The following GLCE variants were observed in gnomAD, a reference collection of about 807,000 sequenced individuals.
GLCE encodes the protein D-glucuronyl C5-epimerase.
In GLCE, 19 loss-of-function variants were observed where a neutral mutation model predicts 47.9. That is an observed-to-expected ratio of 0.40 (90% CI 0.28 to 0.58). The LOEUF is 0.58. Ranked by LOEUF, GLCE falls within the 20% of genes least tolerant of loss-of-function variation. The pLI, the probability that GLCE is intolerant of heterozygous loss-of-function variation, is 0.48. For synonymous variants in GLCE, 245 were observed against 263.4 expected (o/e 0.93, Z 0.68); for missense variants, 556 against 743.3 (o/e 0.75, Z 2.93).
At position 69,270,581 on chromosome 15, in the gene GLCE, T is replaced by C. The variant is rs575199763; in HGVS notation, c.*1337T>C. 1 of 152,330 alleles carries C rather than the reference T, an allele frequency of 6.6e-6. No individual in the cohort carries two copies. The highest frequency in any genetic ancestry group is 1.5e-5 in the Non-Finnish European group (1 of 68,038). The allele number at this position is 152,330 out of a possible 1,614,324, so 9.4% of individuals were successfully genotyped here. A position where few individuals can be genotyped will look rare whatever the true frequency, so the allele number is the denominator to read the frequency against. On this transcript the variant is annotated 3_prime_UTR_variant, in exon 5 of 5. Transcript: ENST00000261858. ...TTTGAAAATATGATACCCTACACTT[T>C]CAGGGGACCGAGTCTGACAAACACA... is the stretch of plus-strand genomic sequence containing the variant.
intron 2 of GLCE, among the ~76,000 whole-genome samples, chr15:69,213,309 T>G (rs1289721392): frequency 6.6e-6 from 1 of 152,126 alleles, no homozygotes; most frequent in East Asian, 1.9e-4. Flanking sequence ...GATCCCATAT[T>G]ACATTTAGTT....
chr15:69,252,510 C>G lies in GLCE; in HGVS notation c.-13-3284C>G, dbSNP rs145893030. ...TAAGCCATTCAAGAGGGATGCACCC[C>G]CATGATCCAAACACCTCCCCCTAGA... On this transcript the variant is annotated intron_variant, in intron 2 of 4. Coordinates refer to ENST00000261858, the MANE Select transcript of GLCE (RefSeq NM_015554.3). Among the ~76,000 whole-genome samples, 213 of 152,304 alleles carry G rather than the reference C, an allele frequency of 1.4e-3. 1 individual carries two copies. The highest frequency in any genetic ancestry group is 4.9e-3 in the African/African-American group (203 of 41,566).
At chr15:69,218,040 G>C (rs913262572) in intron 2 of GLCE, among the ~76,000 whole-genome samples, 1 of 151,178 alleles carries the variant, frequency 6.6e-6, no homozygotes, top group African/African-American at 2.4e-5. Flanking sequence ...TGTAATCGCA[G>C]CTACTTGGGA....
chr15:69,235,404 G>A (rs191967989), intron 2 of GLCE, among the ~76,000 whole-genome samples: 1 of 144,000 alleles, frequency 6.9e-6, no homozygotes, highest in Admixed American at 6.7e-5. Context: ...CACTGTGCCC[G>A]GCCTGAAGAT....
intron 4 of GLCE, among the ~76,000 whole-genome samples, chr15:69,267,619 C>T (rs994205970): frequency 6.6e-6 from 1 of 152,170 alleles, no homozygotes; most frequent in Admixed American, 6.5e-5. Context: ...GGGTTCAAGT[C>T]TTGTACCTTG....
At chr15:69,182,063 G>A (rs752054225) in intron 1 of GLCE, among the ~76,000 whole-genome samples, 1 of 151,932 alleles carries the variant, frequency 6.6e-6, no homozygotes, top group Non-Finnish European at 1.5e-5. Context: ...TAGTAAAATA[G>A]GACACAGGGT....
chr15:69,238,624 T>C (rs2052624296), intron 2 of GLCE, among the ~76,000 whole-genome samples: 1 of 152,202 alleles, frequency 6.6e-6, no homozygotes, highest in South Asian at 2.1e-4. Flanking sequence ...TGAGGATAAA[T>C]GAGAGTAGCA....
chr15:69,171,580 T>TAG, intron 1 of GLCE, among the ~76,000 whole-genome samples: 1 of 152,108 alleles, frequency 6.6e-6, no homozygotes, highest in South Asian at 2.1e-4. Context: ...GTATTTTTAG[T>TAG]AGAGACGGGG....
intron 2 of GLCE, among the ~76,000 whole-genome samples, chr15:69,224,530 G>A (rs374102461): frequency 2.6e-5 from 4 of 152,182 alleles, no homozygotes; most frequent in South Asian, 2.1e-4. Flanking sequence ...TTGCAACACC[G>A]GGAGGAGGTG....
At chr15:69,266,826 T>C (rs1224633415) in intron 4 of GLCE, 3 of 383,140 alleles carry the variant, frequency 7.8e-6, no homozygotes, top group African/African-American at 6.4e-5. Flanking sequence ...CTACAACTAA[T>C]TAGCTTTTGG....
intron 2 of GLCE, among the ~76,000 whole-genome samples, chr15:69,242,056 C>A (rs912981168): frequency 6.6e-6 from 1 of 152,030 alleles, no homozygotes; most frequent in African/African-American, 2.4e-5. Context: ...TGGATTGTTG[C>A]AGAAATTAAA....
intron 1 of GLCE, among the ~76,000 whole-genome samples, chr15:69,205,089 C>T (rs1201880023): frequency 1.3e-5 from 2 of 151,974 alleles, no homozygotes; most frequent in Non-Finnish European, 2.9e-5. Flanking sequence ...TATCTAACCA[C>T]CATCACAGTC....
At chr15:69,254,477 A>C (rs987637682) in intron 2 of GLCE, among the ~76,000 whole-genome samples, 9 of 152,160 alleles carry the variant, frequency 5.9e-5, no homozygotes, top group Admixed American at 5.2e-4. Flanking sequence ...TAGTAGGGTA[A>C]GCGTAGAAGG....
chr15:69,231,428 C>T (rs890228537), intron 2 of GLCE, among the ~76,000 whole-genome samples: 13 of 151,840 alleles, frequency 8.6e-5, no homozygotes, highest in African/African-American at 2.7e-4. Flanking sequence ...GGACTACAGG[C>T]GCCCGCCACC....
chr15:69,164,536 GTATATAATA>G (rs2140321693), intron 1 of GLCE, among the ~76,000 whole-genome samples: 1 of 150,024 alleles, frequency 6.7e-6, no homozygotes, highest in East Asian at 1.9e-4. Flanking sequence ...TGCCATATAT[GTATATAATA>G]TGTATAATAT....
rs544217820 is a variant in GLCE, at chr15:69,253,621, C to T, written c.-13-2173C>T. Among the ~76,000 whole-genome samples the T allele has an allele frequency of 2.6e-5, 4 of 152,218 alleles. No individual in the cohort carries two copies. The South Asian group carries it at 8.3e-4, about 32-fold the overall frequency. ...TTTTAAAAAAAGAAGAATAAATCAT[C>T]TAATATATTCAGAGATCCAAGAAGA... On this transcript the variant is annotated intron_variant, in intron 2 of 4. Transcript: ENST00000261858.
At chr15:69,173,794 T>G (rs1235241721) in intron 1 of GLCE, among the ~76,000 whole-genome samples, 1 of 152,234 alleles carries the variant, frequency 6.6e-6, no homozygotes, top group African/African-American at 2.4e-5. Context: ...TATCAGATTC[T>G]ATTAGAGAGA....
chr15:69,196,910 G>T, intron 1 of GLCE: 1 of 191,856 alleles, frequency 5.2e-6, no homozygotes, highest in South Asian at 1.1e-4. Context: ...AACCGCTGAT[G>T]ACCAGCTTGG....
In GLCE at chr15:69,231,940, A is replaced by G. The variant is rs534115900; in HGVS notation, c.-14+21534A>G. On this transcript the variant is annotated intron_variant, in intron 2 of 4. Coordinates refer to ENST00000261858, the MANE Select transcript of GLCE (RefSeq NM_015554.3). ...CCCAAGCAGCTGGGATTACAGGTACACACCACCACGCCTGGCTAATTTTTA... is the reference window on the plus strand; with the variant it reads ...CCCAAGCAGCTGGGATTACAGGTACGCACCACCACGCCTGGCTAATTTTTA... Among the ~76,000 whole-genome samples the G allele has an allele frequency of 2.6e-4, 40 of 152,074 alleles. No individual in the cohort carries two copies. The South Asian group carries it at 5.0e-3, about 19-fold the overall frequency.
Sources: allele counts gnomAD v4.1 joint callset (sites outside exome capture counted in the v4.1 genomes callset), GRCh38; gene constraint gnomAD v4.1.1; transcripts MANE v1.5; gene names NCBI Gene and HGNC (gene_info 2026-07-23, HGNC 2026-07-21).